The following ZNF292 variants were observed in gnomAD, a reference collection of about 807,000 sequenced individuals.
ZNF292 encodes the protein 16 zinc-finger domain protein.
A neutral mutation model predicts 217.9 loss-of-function variants in ZNF292; 26 were observed. The ratio of observed to expected loss-of-function variants is 0.12; its 90% CI spans 0.09 to 0.17. The LOEUF (loss-of-function observed/expected upper bound fraction) is 0.17. ZNF292 is among the 10% of genes least tolerant of loss of function. The probability of loss-of-function intolerance (pLI) is 1.00; values close to 1 mark genes in which losing one functional copy is unlikely to be tolerated. For missense variants in ZNF292, 2,904 were observed against 3,175.2 expected (o/e 0.91, Z 2.05); for synonymous variants, 1,257 against 1,124.1 (o/e 1.12, Z -2.37).
intron 1 of ZNF292, 56 bp downstream of exon 1, chr6:87,155,815 G>A: frequency 6.7e-7 from 1 of 1,491,256 alleles, no homozygotes; most frequent in Non-Finnish European, 8.9e-7. Flanking sequence ...GGAAGAGGGC[G>A]AGCGAGCGCT....
chr6:87,192,583 C>T (rs1232181399), intron 1 of ZNF292, among the ~76,000 whole-genome samples: 7 of 152,094 alleles, frequency 4.6e-5, no homozygotes, highest in South Asian at 4.1e-4. Context: ...TGTGCCCTTC[C>T]GTAATTTTTT....
At chr6:87,230,054 A>G (rs958068954) in intron 4 of ZNF292, among the ~76,000 whole-genome samples, 2 of 152,192 alleles carry the variant, frequency 1.3e-5, no homozygotes, top group African/African-American at 2.4e-5. Context: ...TGACACAACT[A>G]GGTGATAGAT....
In ZNF292 at chr6:87,209,003, C is replaced by T. The variant is rs190273699; in HGVS notation, c.169-6900C>T. On this transcript the variant is annotated intron_variant, in intron 1 of 7. Coordinates refer to ENST00000369577, the MANE Select transcript of ZNF292 (RefSeq NM_015021.3). ...TTACTGAGGAAGAGTGGCAGTACCT[C>T]GCTTGGGTTTTCTAGGTGTGGAGAG... 5.3e-5 allele frequency among the ~76,000 whole-genome samples: 8 copies of T among 152,144 alleles called. No homozygotes were observed. In the East Asian group the frequency reaches 7.7e-4, roughly 15 times the overall value.
chr6:87,244,286 G>A (rs1306897709), intron 6 of ZNF292, among the ~76,000 whole-genome samples: 2 of 152,168 alleles, frequency 1.3e-5, no homozygotes, highest in African/African-American at 2.4e-5. Context: ...ATTGAGCCTC[G>A]TTATGAAGGA....
intron 4 of ZNF292, among the ~76,000 whole-genome samples, chr6:87,228,889 G>C (rs1773509037): frequency 6.6e-6 from 1 of 151,944 alleles, no homozygotes; most frequent in African/African-American, 2.4e-5. Context: ...TTCTTTGTCA[G>C]TTATTTTGGC....
chr6:87,155,645 C>T lies in ZNF292; in HGVS notation c.54C>T (p.Cys18=), dbSNP rs1428477265. ...QERLSCGEGG[C]VAELQRLGER... ...GGTTGAGTTGCGGCGAAGGCGGCTG[C>T]GTCGCGGAGCTGCAGCGCCTGGGCG... Residue 18 remains cysteine, a synonymous_variant, in exon 1 of 8, where the codon TGC becomes TGT. Transcript: ENST00000369577. The T allele has an allele frequency of 6.3e-6, 10 of 1,582,136 alleles. No homozygotes were observed. The highest frequency in any genetic ancestry group is 8.6e-6 in the Non-Finnish European group (10 of 1,165,812).
intron 4 of ZNF292, among the ~76,000 whole-genome samples, chr6:87,219,448 T>C (rs1331133184): frequency 3.3e-5 from 5 of 152,196 alleles, no homozygotes; most frequent in African/African-American, 1.2e-4. Flanking sequence ...CACTGTAAGC[T>C]TCTTCCGTCA....
At chr6:87,186,761 G>A (rs1171752102) in intron 1 of ZNF292, among the ~76,000 whole-genome samples, 1 of 152,210 alleles carries the variant, frequency 6.6e-6, no homozygotes, top group Non-Finnish European at 1.5e-5. Flanking sequence ...AGGCAGGGAA[G>A]TACAGGTGAT....
intron 1 of ZNF292, among the ~76,000 whole-genome samples, chr6:87,160,816 A>G (rs1426517445): frequency 2.0e-5 from 3 of 152,092 alleles, no homozygotes; most frequent in Non-Finnish European, 4.4e-5. Flanking sequence ...GGATGTTGCT[A>G]TGACTAGGGA....
chr6:87,247,906 A>T (rs920402864), intron 7 of ZNF292, among the ~76,000 whole-genome samples: 1 of 152,248 alleles, frequency 6.6e-6, no homozygotes, highest in African/African-American at 2.4e-5. Context: ...ATAGTTATCG[A>T]AATGAAAATT....
intron 1 of ZNF292, among the ~76,000 whole-genome samples, chr6:87,179,147 G>A (rs766341774): frequency 3.8e-4 from 52 of 138,052 alleles, no homozygotes; most frequent in African/African-American, 1.3e-3. Flanking sequence ...CTGTATTTGT[G>A]ATATATGTGG....
At chr6:87,191,090 A>G (rs546609566) in intron 1 of ZNF292, among the ~76,000 whole-genome samples, 1 of 152,176 alleles carries the variant, frequency 6.6e-6, no homozygotes, top group South Asian at 2.1e-4. Context: ...TTTTAACCTA[A>G]TGATAAATCT....
At chr6:87,196,191 T>A (rs530299400) in intron 1 of ZNF292, among the ~76,000 whole-genome samples, 197 of 152,356 alleles carry the variant, frequency 1.3e-3, no homozygotes, top group African/African-American at 4.7e-3. Context: ...TTTTCTTTTC[T>A]AAATTTGTAT....
chr6:87,180,234 G>A (rs1771433426), intron 1 of ZNF292, among the ~76,000 whole-genome samples: 1 of 152,356 alleles, frequency 6.6e-6, no homozygotes, highest in Non-Finnish European at 1.5e-5. Context: ...GCCATCCTGG[G>A]CCACATGTTG....
At chr6:87,245,374 T>G (rs1774519185) in intron 6 of ZNF292, 129 bp from the exon 7 acceptor site, 1 of 510,228 alleles carries the variant, frequency 2.0e-6, no homozygotes, top group Non-Finnish European at 3.3e-6. Flanking sequence ...TTCTTGCATT[T>G]TAACTTAAGC....
At chr6:87,175,269 G>A (rs1771246154) in intron 1 of ZNF292, among the ~76,000 whole-genome samples, 1 of 152,022 alleles carries the variant, frequency 6.6e-6, no homozygotes, top group South Asian at 2.1e-4. Flanking sequence ...AGACTTCTTG[G>A]AAAGGTATTG....
intron 1 of ZNF292, among the ~76,000 whole-genome samples, chr6:87,162,140 G>T (rs1770773561): frequency 6.6e-6 from 1 of 152,186 alleles, no homozygotes. Flanking sequence ...AGCACTTCAG[G>T]CTGGGGTATC....
At chr6:87,214,132 A>G (rs1238758689) in intron 1 of ZNF292, among the ~76,000 whole-genome samples, 1 of 152,156 alleles carries the variant, frequency 6.6e-6, no homozygotes, top group Admixed American at 6.5e-5. Flanking sequence ...AAAAGGCTTT[A>G]ATTTCTGTGT....
chr6:87,235,853 A>T (rs1367619564), intron 5 of ZNF292, among the ~76,000 whole-genome samples: 1 of 152,196 alleles, frequency 6.6e-6, no homozygotes, highest in Non-Finnish European at 1.5e-5. Flanking sequence ...AAAAAACTAG[A>T]TCATATAGTG....
Sources: allele counts gnomAD v4.1 joint callset (sites outside exome capture counted in the v4.1 genomes callset), GRCh38; gene constraint gnomAD v4.1.1; transcripts MANE v1.5; gene names NCBI Gene and HGNC (gene_info 2026-07-23, HGNC 2026-07-21).